The following SGMS2 variants were observed in gnomAD, a reference collection of about 807,000 sequenced individuals.
SGMS2 encodes phosphatidylcholine:ceramide cholinephosphotransferase 2.
SGMS2 carries 21 observed loss-of-function variants against 43.8 expected under a neutral mutation model. The ratio of observed to expected loss-of-function variants is 0.48; its 90% CI spans 0.34 to 0.69. The LOEUF (loss-of-function observed/expected upper bound fraction) is 0.69. SGMS2 is among the 30% of genes least tolerant of loss of function. The pLI is 0.01. For missense variants in SGMS2, 384 were observed against 443.2 expected, an observed-to-expected ratio of 0.87 and a Z score of 1.20; for synonymous variants, 167 against 160.6, an observed-to-expected ratio of 1.04 and a Z score of -0.30.
At position 107,903,196 on chromosome 4, in the gene SGMS2, T is replaced by G. The variant is rs766312177; in HGVS notation, c.574-37T>G. On this transcript the variant is annotated intron_variant, in intron 4 of 6. Coordinates refer to ENST00000690982, the MANE Select transcript of SGMS2 (RefSeq NM_001375905.1). The stretch of plus-strand genomic sequence containing the variant: ...TAGACTGAAACATGATTTTAGCCAC[T>G]TGTAAATTCCCTTCTTAATCTTCTT... The G allele has an allele frequency of 8.1e-6, 13 of 1,608,320 alleles. No homozygotes were observed. The Admixed American group carries it at 1.7e-4, about 21-fold the overall frequency.
intron 2 of SGMS2, among the ~76,000 whole-genome samples, chr4:107,876,488 G>A (rs1315212242): frequency 2.0e-5 from 3 of 152,104 alleles, no homozygotes; most frequent in African/African-American, 7.2e-5. Flanking sequence ...CTCTTCCATT[G>A]CACTAGTAAA....
In SGMS2 at chr4:107,896,726, T is replaced by C. The variant is rs983738218; in HGVS notation, c.455+718T>C. Among the ~76,000 whole-genome samples, 5 of 152,180 alleles carry C rather than the reference T, an allele frequency of 3.3e-5. 1 individual carries two copies. In the South Asian group the frequency reaches 8.3e-4, roughly 25 times the overall value. On this transcript the variant is annotated intron_variant, in intron 3 of 6. Coordinates refer to ENST00000690982, the MANE Select transcript of SGMS2 (RefSeq NM_001375905.1). ...GGAATAGTAGGAAATCAAGAAGAAA[T>C]AAGTCAGGTACTTTTGCTTTGAAGA...
At chr4:107,843,919 G>A (rs774576675) in intron 1 of SGMS2, among the ~76,000 whole-genome samples, 13 of 152,156 alleles carry the variant, frequency 8.5e-5, no homozygotes, top group Non-Finnish European at 1.5e-4. Flanking sequence ...TGGGGACCTG[G>A]CTGTTATTTC....
At position 107,911,805 on chromosome 4, in the gene SGMS2, A is replaced by C. The variant is rs924114141; in HGVS notation, c.*1252A>C. 2 of 152,196 alleles carry C rather than the reference A, an allele frequency of 1.3e-5. No homozygotes were observed. The highest frequency in any genetic ancestry group is 4.8e-5 in the African/African-American group (2 of 41,454). 9.4% of individuals were successfully genotyped at this position (152,196 alleles called of 1,614,324 possible). On this transcript the variant is annotated 3_prime_UTR_variant, in exon 7 of 7. Coordinates refer to ENST00000690982, the MANE Select transcript of SGMS2 (RefSeq NM_001375905.1). ...AATTTCTTTAAGGTGATGCCAAAAA[A>C]TGGATTAAAAAATCTGATCAGATTT...
Position 107,910,504 on chromosome 4 carries a change from A to C in SGMS2, c.1049A>C (p.Lys350Thr). The change falls in exon 7 of 7, where the codon AAG becomes ACG. Residue 350 changes from lysine (K) to threonine (T), a missense_variant. Coordinates refer to ENST00000690982, the MANE Select transcript of SGMS2 (RefSeq NM_001375905.1). ...GGCTGCTTCAAATCATCATGCAAAA[A>C]GTATTCACGGGTTCAGAAGATTGGT... ...PPGCFKSSCK[K>T]YSRVQKIGED... 6.2e-7 allele frequency: 1 copy of C among 1,614,054 alleles called. No individual in the cohort carries two copies. Among genetic ancestry groups the C allele is most frequent in the Non-Finnish European group, 8.5e-7 (1 of 1,179,978 alleles).
chr4:107,906,597 G>A (rs1215970100), intron 5 of SGMS2, among the ~76,000 whole-genome samples: 1 of 152,186 alleles, frequency 6.6e-6, no homozygotes, highest in Non-Finnish European at 1.5e-5. Context: ...AATGAGAAGA[G>A]GATTACCATT....
Position 107,889,386 on chromosome 4 carries a change from C to A in SGMS2, c.-244-5924C>A, listed in dbSNP as rs532420292. ...AAATGCAAACAAGAATGTATGCTGG[C>A]AATTCTTAAGACATTTCTAATATTA... On this transcript the variant is annotated intron_variant, in intron 2 of 6. Transcript: ENST00000690982. 6.6e-5 allele frequency among the ~76,000 whole-genome samples: 10 copies of A among 152,176 alleles called. No homozygotes were observed. The South Asian group carries it at 2.1e-3, about 32-fold the overall frequency.
intron 2 of SGMS2, chr4:107,893,431 T>A (rs935188305): frequency 1.3e-5 from 2 of 152,224 alleles, no homozygotes; most frequent in Non-Finnish European, 2.9e-5. Context: ...AATGGCTGTG[T>A]TAGTGCTTCG....
chr4:107,850,703 A>C (rs1370348163), intron 1 of SGMS2, among the ~76,000 whole-genome samples: 1 of 152,184 alleles, frequency 6.6e-6, no homozygotes, highest in Non-Finnish European at 1.5e-5. Context: ...AGTCTGAGGT[A>C]AAAGCATGTG....
chr4:107,844,773 A>G (rs1726719316), intron 1 of SGMS2, among the ~76,000 whole-genome samples: 1 of 152,224 alleles, frequency 6.6e-6, no homozygotes, highest in Non-Finnish European at 1.5e-5. Context: ...TTTAGATTCT[A>G]AAATGAACCA....
At chr4:107,842,030 C>T (rs565709089) in intron 1 of SGMS2, among the ~76,000 whole-genome samples, 74 of 151,968 alleles carry the variant, frequency 4.9e-4, no homozygotes, top group Non-Finnish European at 2.6e-4. Context: ...CTTGAAAGTT[C>T]TTAGATGGCT....
chr4:107,844,599 G>C (rs1051806469), intron 1 of SGMS2, among the ~76,000 whole-genome samples: 1 of 152,092 alleles, frequency 6.6e-6, no homozygotes, highest in Admixed American at 6.5e-5. Flanking sequence ...TACTCTACTG[G>C]AGAATCTGAG....
chr4:107,851,101 T>G (rs1413530120), intron 1 of SGMS2, among the ~76,000 whole-genome samples: 1 of 152,184 alleles, frequency 6.6e-6, no homozygotes, highest in Non-Finnish European at 1.5e-5. Flanking sequence ...GAAAAAACTT[T>G]GCTTTGTGAA....
intron 1 of SGMS2, among the ~76,000 whole-genome samples, chr4:107,840,827 G>A (rs1034972641): frequency 6.6e-6 from 1 of 152,130 alleles, no homozygotes; most frequent in Non-Finnish European, 1.5e-5. Context: ...TACTAGTATT[G>A]GAGGCCATCT....
intron 1 of SGMS2, among the ~76,000 whole-genome samples, chr4:107,848,024 T>TA (rs1726932070): frequency 1.3e-5 from 2 of 152,196 alleles, no homozygotes; most frequent in Non-Finnish European, 2.9e-5. Context: ...ATTGTAGTAC[T>TA]ATACAGAATA....
intron 1 of SGMS2, among the ~76,000 whole-genome samples, chr4:107,853,921 A>T (rs1186552872): frequency 6.6e-6 from 1 of 152,240 alleles, no homozygotes; most frequent in Non-Finnish European, 1.5e-5. Flanking sequence ...CACAGGAGTT[A>T]GTTATAAATG....
At position 107,913,655 on chromosome 4, in the gene SGMS2, G is replaced by A. The variant is rs1732263827; in HGVS notation, c.*3102G>A. On this transcript the variant is annotated 3_prime_UTR_variant, in exon 7 of 7. Transcript: ENST00000690982. The stretch of plus-strand genomic sequence containing the variant: ...TTTAAACCTTTCCCAAAGGTAAAAT[G>A]TGCTCAGATTATAGGCACTTGTAAT... 6.6e-6 allele frequency: 1 copy of A among 152,186 alleles called. No individual in the cohort carries two copies. Among genetic ancestry groups the A allele is most frequent in the Non-Finnish European group, 1.5e-5 (1 of 68,022 alleles). 9.4% of individuals were successfully genotyped at this position (152,186 alleles called of 1,614,324 possible). A position where few individuals can be genotyped will look rare whatever the true frequency, so the allele number is the denominator to read the frequency against.
chr4:107,857,900 G>A (rs1018878547), intron 1 of SGMS2, among the ~76,000 whole-genome samples: 1 of 152,052 alleles, frequency 6.6e-6, no homozygotes, highest in African/African-American at 2.4e-5. Flanking sequence ...CAATACTCCC[G>A]CCGTGCTTTC....
chr4:107,907,709 CAT>C (rs1446074430), intron 5 of SGMS2, among the ~76,000 whole-genome samples: 11 of 152,200 alleles, frequency 7.2e-5, no homozygotes, highest in Non-Finnish European at 1.6e-4. Flanking sequence ...TAAATGTAAA[CAT>C]AGTTAAATAT....
Sources: allele counts gnomAD v4.1 joint callset (sites outside exome capture counted in the v4.1 genomes callset), GRCh38; gene constraint gnomAD v4.1.1; transcripts MANE v1.5; gene names NCBI Gene and HGNC (gene_info 2026-07-23, HGNC 2026-07-21).